Variants in KCNIP4 observed in about 807,000 individuals in gnomAD.
KCNIP4 encodes the protein Kv channel-interacting protein 4.
In KCNIP4, 12 loss-of-function variants were observed where a neutral mutation model predicts 34.0. The ratio of observed to expected loss-of-function variants is 0.35; its 90% CI spans 0.23 to 0.57. The LOEUF is 0.57. KCNIP4 is among the 20% of genes least tolerant of loss of function. The pLI is 0.83. For missense variants in KCNIP4, 238 were observed against 311.7 expected (o/e 0.76, Z 1.78); for synonymous variants, 124 against 102.2 (o/e 1.21, Z -1.29).
intron 2 of KCNIP4, among the ~76,000 whole-genome samples, chr4:20,852,186 C>G (rs1170909181): frequency 6.6e-6 from 1 of 152,100 alleles, no homozygotes; most frequent in Non-Finnish European, 1.5e-5. Flanking sequence ...GAGAACACTA[C>G]AGACTGATAT....
intron 1 of KCNIP4, among the ~76,000 whole-genome samples, chr4:21,947,116 G>A (rs1730552884): frequency 6.6e-6 from 1 of 152,168 alleles, no homozygotes; most frequent in Non-Finnish European, 1.5e-5. Flanking sequence ...GTGTGAATGT[G>A]TCTCTAATAG....
intron 1 of KCNIP4, among the ~76,000 whole-genome samples, chr4:21,551,181 C>A (rs1245376920): frequency 6.6e-6 from 1 of 151,946 alleles, no homozygotes; most frequent in Non-Finnish European, 1.5e-5. Context: ...AAATAAATAT[C>A]TTTTTACTTC....
chr4:21,052,386 A>G (rs1743012829), intron 1 of KCNIP4, among the ~76,000 whole-genome samples: 1 of 152,122 alleles, frequency 6.6e-6, no homozygotes, highest in Non-Finnish European at 1.5e-5. Flanking sequence ...AAAATTGTGA[A>G]TTTTCCTGGA....
intron 1 of KCNIP4, among the ~76,000 whole-genome samples, chr4:21,902,417 T>C (rs1485597060): frequency 6.6e-6 from 1 of 152,100 alleles, no homozygotes; most frequent in South Asian, 2.1e-4. Flanking sequence ...AATAAATCCA[T>C]ATTTTCAAAT....
At chr4:20,876,950 G>C (rs1724113198) in intron 2 of KCNIP4, among the ~76,000 whole-genome samples, 1 of 152,200 alleles carries the variant, frequency 6.6e-6, no homozygotes, top group Admixed American at 6.5e-5. Context: ...AATTGTCGCT[G>C]ATCCTGTAGA....
At chr4:21,544,148 C>G (rs558423535) in intron 1 of KCNIP4, among the ~76,000 whole-genome samples, 1 of 152,124 alleles carries the variant, frequency 6.6e-6, no homozygotes, top group East Asian at 1.9e-4. Flanking sequence ...CTCTTCAAAC[C>G]TGGATTCTGG....
intron 1 of KCNIP4, among the ~76,000 whole-genome samples, chr4:21,063,600 T>G (rs1471449189): frequency 1.3e-5 from 2 of 152,172 alleles, no homozygotes; most frequent in African/African-American, 4.8e-5. Context: ...TGTCAAACAA[T>G]GAACTGAGAC....
At chr4:21,071,131 T>C (rs1310819777) in intron 1 of KCNIP4, among the ~76,000 whole-genome samples, 1 of 152,176 alleles carries the variant, frequency 6.6e-6, no homozygotes, top group Non-Finnish European at 1.5e-5. Context: ...CCCATTTGGT[T>C]ATTTTTTCTT....
Position 21,801,205 on chromosome 4 carries a change from G to A in KCNIP4, c.61+147366C>T, listed in dbSNP as rs538975049. On this transcript the variant is annotated intron_variant, in intron 1 of 8. Coordinates refer to ENST00000382152, the MANE Select transcript of KCNIP4 (RefSeq NM_025221.6). ...CCAAAGCACTTTTATCATTACATAA[G>A]CAATAGAAGGTATTTGACACGTAAT... Among the ~76,000 whole-genome samples, 4 of 152,254 alleles carry A rather than the reference G, an allele frequency of 2.6e-5. 1 individual carries two copies. In the South Asian group the frequency reaches 8.3e-4, roughly 32 times the overall value.
intron 1 of KCNIP4, among the ~76,000 whole-genome samples, chr4:20,945,633 A>G (rs2149628296): frequency 6.6e-6 from 1 of 152,284 alleles, no homozygotes; most frequent in African/African-American, 2.4e-5. Context: ...GAACTGGGCC[A>G]TATATGACAA....
chr4:20,963,458 A>C (rs1734050324), intron 1 of KCNIP4, among the ~76,000 whole-genome samples: 1 of 152,092 alleles, frequency 6.6e-6, no homozygotes, highest in African/African-American at 2.4e-5. Flanking sequence ...AAACTCAGGG[A>C]GTCATGTAAC....
intron 1 of KCNIP4, among the ~76,000 whole-genome samples, chr4:21,842,602 A>G (rs1314563125): frequency 2.0e-5 from 3 of 152,044 alleles, no homozygotes; most frequent in Admixed American, 2.0e-4. Flanking sequence ...TTTAACACTA[A>G]TTTTTTAGAG....
At chr4:21,712,311 C>A (rs1458555760) in intron 1 of KCNIP4, among the ~76,000 whole-genome samples, 1 of 152,132 alleles carries the variant, frequency 6.6e-6, no homozygotes. Flanking sequence ...GTAAGTCAAG[C>A]AAAATGAACT....
intron 1 of KCNIP4, among the ~76,000 whole-genome samples, chr4:21,599,399 G>T (rs897002532): frequency 2.6e-5 from 4 of 151,628 alleles, no homozygotes; most frequent in Non-Finnish European, 5.9e-5. Flanking sequence ...TTTCCTTAAA[G>T]AAATTAATTT....
At chr4:21,178,022 C>T (rs542456897) in intron 1 of KCNIP4, among the ~76,000 whole-genome samples, 25 of 151,990 alleles carry the variant, frequency 1.6e-4, no homozygotes, top group Admixed American at 1.5e-3. Flanking sequence ...ATTAGCATGC[C>T]CCAGGCAGGT....
chr4:21,459,007 C>T (rs1173244095), intron 1 of KCNIP4, among the ~76,000 whole-genome samples: 2 of 152,080 alleles, frequency 1.3e-5, no homozygotes, highest in Non-Finnish European at 2.9e-5. Flanking sequence ...CTTATTTCCC[C>T]TACGTTATCA....
chr4:20,791,476 T>A (rs570050656), intron 3 of KCNIP4, among the ~76,000 whole-genome samples: 1 of 152,252 alleles, frequency 6.6e-6, no homozygotes, highest in South Asian at 2.1e-4. Context: ...GTTTTTATCA[T>A]ATATAAACAT....
intron 1 of KCNIP4, among the ~76,000 whole-genome samples, chr4:21,081,006 C>A (rs947493972): frequency 6.6e-6 from 1 of 151,730 alleles, no homozygotes; most frequent in African/African-American, 2.4e-5. Flanking sequence ...TCTAGATGTT[C>A]AACTTTAATT....
chr4:21,592,122 T>A (rs922405226), intron 1 of KCNIP4, among the ~76,000 whole-genome samples: 1 of 152,064 alleles, frequency 6.6e-6, no homozygotes, highest in African/African-American at 2.4e-5. Flanking sequence ...TTAGAAGTCA[T>A]TGACAGAGAG....
Sources: gnomAD v4.1 joint callset for allele counts (sites outside exome capture counted in the v4.1 genomes callset) on GRCh38, gnomAD v4.1.1 for gene constraint, MANE v1.5 for transcripts, NCBI Gene and HGNC (gene_info 2026-07-23, HGNC 2026-07-21) for gene names.